SIPA1: variants seen among roughly 807,000 people sequenced by gnomAD.
SIPA1 encodes the protein signal-induced proliferation-associated 1.
A neutral mutation model predicts 88.1 loss-of-function variants in SIPA1; 51 were observed. The ratio of observed to expected loss-of-function variants is 0.58; its 90% CI spans 0.46 to 0.73. SIPA1 has a LOEUF of 0.73. Ranked by LOEUF, SIPA1 falls within the 30% of genes least tolerant of loss-of-function variation. The pLI, the probability that SIPA1 is intolerant of heterozygous loss-of-function variation, is 0.00. For synonymous variants in SIPA1, 681 were observed against 664.8 expected, an observed-to-expected ratio of 1.02 and a Z score of -0.37; for missense variants, 1,348 against 1,467.6, an observed-to-expected ratio of 0.92 and a Z score of 1.33.
In SIPA1 at chr11:65,642,330, G is replaced by T; in HGVS notation, c.760G>T (p.Gly254Ter). The stretch of plus-strand genomic sequence containing the variant: ...GCGGCGGGAGGAGAAGGAGGGCAGC[G>T]GAGGGGGCACCCTGCACAGCTACCG... ...SLRREEKEGS[G>*]GGTLHSYRVI... The change falls in exon 3 of 16, where the codon GGA (glycine) becomes TGA (stop). Residue 254 changes from glycine (G) to a stop codon, truncating the protein, a stop_gained. Coordinates refer to ENST00000534313, the MANE Select transcript of SIPA1 (RefSeq NM_006747.4). LOFTEE classifies it high-confidence loss of function. The surrounding 1 kb of genome is among the most constrained non-coding windows in gnomAD (Gnocchi z 6.5). The T allele has an allele frequency of 6.4e-7, 1 of 1,553,502 alleles. No homozygotes were observed. Among genetic ancestry groups the T allele is most frequent in the Non-Finnish European group, 8.7e-7 (1 of 1,150,544 alleles).
At position 65,642,647 on chromosome 11, in the gene SIPA1, G is replaced by A. The variant is rs1324689624; in HGVS notation, c.984+8G>A. On this transcript the variant is annotated splice_region_variant and intron_variant, in intron 4 of 15. Coordinates refer to ENST00000534313, the MANE Select transcript of SIPA1 (RefSeq NM_006747.4). This position sits in a 1 kb window ranked among gnomAD's most constrained non-coding sequence, Gnocchi z 6.5. ...ACACTGGATGAGCAAGTGGTGAGTGGCGGGCCGCGGAGCCCCCAGCCATAC... is the reference window on the plus strand; with the variant it reads ...ACACTGGATGAGCAAGTGGTGAGTGACGGGCCGCGGAGCCCCCAGCCATAC... 2 of 1,527,270 alleles carry A rather than the reference G, an allele frequency of 1.3e-6. No homozygotes were observed. Among genetic ancestry groups the A allele is most frequent in the African/African-American group, 2.7e-5 (2 of 72,920 alleles). 94.6% of individuals were successfully genotyped at this position (1,527,270 alleles called of 1,614,324 possible). A position where few individuals can be genotyped will look rare whatever the true frequency, so the allele number is the denominator to read the frequency against.
rs866532073 is a variant in SIPA1, at chr11:65,640,998, G to A, written c.77G>A (p.Arg26His). The change falls in exon 2 of 16, where the codon CGC (arginine) becomes CAC (histidine). Residue 26 changes from arginine to histidine, a missense_variant. Physicochemically the swap from Arg to His is conservative, Grantham distance 29. Coordinates refer to ENST00000534313, the MANE Select transcript of SIPA1 (RefSeq NM_006747.4). Reference sequence around the variant, plus strand: ...GCGTCCACAGATGACCTCTTTGCCCGCAAGCTGCGCCAGCCAGCAAGGCCC... The same window carrying A: ...GCGTCCACAGATGACCTCTTTGCCCACAAGCTGCGCCAGCCAGCAAGGCCC... Reference protein sequence around the residue: ...APASTDDLFARKLRQPARPPL... With the variant: ...APASTDDLFAHKLRQPARPPL... 3.2e-6 allele frequency: 5 copies of A among 1,585,456 alleles called. No homozygotes were observed. The highest frequency in any genetic ancestry group is 4.3e-6 in the Non-Finnish European group (5 of 1,172,096).
intron 8 of SIPA1, 62 bp downstream of exon 8, chr11:65,647,127 C>T: frequency 7.0e-7 from 1 of 1,425,600 alleles, no homozygotes; most frequent in Non-Finnish European, 9.2e-7. Flanking sequence ...CTTTGGACCC[C>T]TCCCTCCCGC....
chr11:65,645,869 C>A lies in SIPA1; in HGVS notation c.1175C>A (p.Thr392Lys), dbSNP rs745732731. Residue 392 changes from threonine (T) to lysine (K), a missense_variant, in exon 6 of 16, where the codon ACG (threonine) becomes AAG (lysine). Transcript: ENST00000534313. Reference protein sequence around the residue: ...QLDTKTDSTGTHSLYTTYQDH... With the variant: ...QLDTKTDSTGKHSLYTTYQDH... The stretch of plus-strand genomic sequence containing the variant: ...CTGGCCACAGCGGATTCCACAGGCA[C>A]GCACTCCCTCTACACCACATACCAG... The A allele has an allele frequency of 6.2e-7, 1 of 1,612,356 alleles. No homozygotes were observed.
chr11:65,645,999 A>G (rs1030308249), intron 6 of SIPA1, 42 bp downstream of exon 6: 25 of 1,477,546 alleles, frequency 1.7e-5, no homozygotes, highest in Non-Finnish European at 2.3e-5. Flanking sequence ...TCCGGGAACC[A>G]TGGAGGGCCC....
intron 14 of SIPA1, 75 bp downstream of exon 14, chr11:65,650,267 A>AGCTCTT: frequency 6.4e-7 from 1 of 1,563,718 alleles, no homozygotes; most frequent in South Asian, 1.1e-5. Flanking sequence ...GCTGGGGTGG[A>AGCTCTT]GCTCTGTCCT....
At position 65,650,584 on chromosome 11, in the gene SIPA1, G is replaced by A; in HGVS notation, c.2998G>A (p.Ala1000Thr). ...GGCACCCCAGGAGAAGGCGGACAGG[G>A]CGGCCCTGGAGGAGGAGGTGCGGAG... is the stretch of plus-strand genomic sequence containing the variant. ...EDLQKEKADR[A>T]ALEEEVRSLR... Residue 1000 changes from alanine (A) to threonine (T), a missense_variant, in exon 16 of 16, where the codon GCG becomes ACG. This residue lies in a region of SIPA1 where 615 missense variants were observed against 559.8 expected (regional missense o/e 1.10). Coordinates refer to ENST00000534313, the MANE Select transcript of SIPA1 (RefSeq NM_006747.4). 1 of 1,598,842 alleles carries A rather than the reference G, an allele frequency of 6.3e-7. No individual in the cohort carries two copies. The highest frequency in any genetic ancestry group is 8.5e-7 in the Non-Finnish European group (1 of 1,172,582).
At chr11:65,644,218 G>A (rs1004359094) in intron 4 of SIPA1, among the ~76,000 whole-genome samples, 8 of 151,520 alleles carry the variant, frequency 5.3e-5, no homozygotes, top group Non-Finnish European at 7.4e-5. Flanking sequence ...GGAGATGGGG[G>A]TGTCATCCTT....
At position 65,646,653 on chromosome 11, in the gene SIPA1, C is replaced by T. The variant is rs1362061723; in HGVS notation, c.1619C>T (p.Ala540Val). The T allele has an allele frequency of 1.9e-6, 3 of 1,548,078 alleles. No individual in the cohort carries two copies. The highest frequency in any genetic ancestry group is 3.8e-5 in the Admixed American group (2 of 52,218). Residue 540 changes from alanine (A) to valine (V), a missense_variant, in exon 8 of 16, where the codon GCC (alanine) becomes GTC (valine). By Grantham distance (64) the Ala-to-Val change is moderately conservative. Coordinates refer to ENST00000534313, the MANE Select transcript of SIPA1 (RefSeq NM_006747.4). This position sits in a 1 kb window ranked among gnomAD's most constrained non-coding sequence, Gnocchi z 7.5. ...RTRQQYLQDL[A>V]TNEVTTTSLD... ...CGCCAGCAGTACCTGCAAGACCTGG[C>T]CACCAACGAGGTGACCACTACGTCG...
chr11:65,639,553 C>T (rs1855963673), intron 1 of SIPA1, among the ~76,000 whole-genome samples: 1 of 152,054 alleles, frequency 6.6e-6, no homozygotes, highest in South Asian at 2.1e-4. Flanking sequence ...TGTGTGGAGC[C>T]CCTCCTCCAC....
Position 65,649,603 on chromosome 11 carries a change from G to A in SIPA1, c.2568G>A (p.Pro856=), listed in dbSNP as rs1217633205. The change falls in exon 11 of 16, where the codon CCG becomes CCA. Residue 856 remains proline (P), a synonymous_variant. Transcript: ENST00000534313. ...CCCCAGTCCTGCCCAACACCACCCC[G>A]GACCTCCTCCTGGCCACCACAGCCA... ...DEAPVLPNTT[P]DLLLATTAKP... is the part of the protein sequence containing the mutation. 19 of 1,613,876 alleles carry A rather than the reference G, an allele frequency of 1.2e-5. No homozygotes were observed. Among genetic ancestry groups the A allele is most frequent in the Admixed American group, 1.7e-5 (1 of 59,998 alleles).
At position 65,647,181 on chromosome 11, in the gene SIPA1, C is replaced by T. The variant is rs1590923613; in HGVS notation, c.2031+116C>T. On this transcript the variant is annotated intron_variant, in intron 8 of 15. Coordinates refer to ENST00000534313, the MANE Select transcript of SIPA1 (RefSeq NM_006747.4). Reference sequence around the variant, plus strand: ...CTGCGGAAGGGAAAGTCGAGGAGGGCAGAGCCAGCCCCGGGGCTTGGCAAG... The same window carrying T: ...CTGCGGAAGGGAAAGTCGAGGAGGGTAGAGCCAGCCCCGGGGCTTGGCAAG... 17 of 1,413,154 alleles carry T rather than the reference C, an allele frequency of 1.2e-5. No individual in the cohort carries two copies. The South Asian group carries it at 2.6e-4, about 22-fold the overall frequency. The allele number at this position is 1,413,154 out of a possible 1,614,324, so 87.5% of individuals were successfully genotyped here.
In SIPA1 at chr11:65,650,199, T is replaced by C; in HGVS notation, c.2903+7T>C. 6.2e-7 allele frequency: 1 copy of C among 1,613,772 alleles called. No individual in the cohort carries two copies. The highest frequency in any genetic ancestry group is 8.5e-7 in the Non-Finnish European group (1 of 1,179,804). On this transcript the variant is annotated splice_region_variant and intron_variant, in intron 14 of 15. Coordinates refer to ENST00000534313, the MANE Select transcript of SIPA1 (RefSeq NM_006747.4). The stretch of plus-strand genomic sequence containing the variant: ...CTCCAAAATCTGATGCTGAGTAAGC[T>C]CCCCAACTCCCCACAGCCGCTTTAC...
At chr11:65,639,036 A>C (rs528525274) in intron 1 of SIPA1, 1 of 152,500 alleles carries the variant, frequency 6.6e-6, no homozygotes, top group African/African-American at 2.4e-5. Context: ...ACACACACAT[A>C]GCTAGCGACA....
At position 65,646,361 on chromosome 11, in the gene SIPA1, G is replaced by A. The variant is rs200729265; in HGVS notation, c.1404G>A (p.Thr468=). ...FLVVRAHTPC[T]PHTTYRVAVS... is the part of the protein sequence containing the mutation. ...TGGTGCGGGCACACACACCCTGCAC[G>A]CCACACACCACCTACAGGTGGGCAC... The change falls in exon 7 of 16, where the codon ACG becomes ACA. Residue 468 remains threonine (T), a synonymous_variant. Transcript: ENST00000534313. This position sits in a 1 kb window ranked among gnomAD's most constrained non-coding sequence, Gnocchi z 7.5. The A allele has an allele frequency of 5.0e-6, 8 of 1,611,862 alleles. No individual in the cohort carries two copies. Among genetic ancestry groups the A allele is most frequent in the South Asian group, 3.3e-5 (3 of 91,082 alleles).
intron 13 of SIPA1, 34 bp downstream of exon 13, chr11:65,650,085 C>A: frequency 6.2e-7 from 1 of 1,612,116 alleles, no homozygotes; most frequent in Non-Finnish European, 8.5e-7. Context: ...TAAGCCTGGG[C>A]AGTGCTCTTG....
rs1281183337 is a variant in SIPA1, at chr11:65,645,886, A to G, written c.1192A>G (p.Thr398Ala). 6.2e-7 allele frequency: 1 copy of G among 1,613,368 alleles called. No homozygotes were observed. Residue 398 changes from threonine (T) to alanine (A), a missense_variant, in exon 6 of 16, where the codon ACA becomes GCA. Physicochemically the swap from Thr to Ala is moderately conservative, Grantham distance 58. Coordinates refer to ENST00000534313, the MANE Select transcript of SIPA1 (RefSeq NM_006747.4). ...DSTGTHSLYT[T>A]YQDHEIMFHV... Reference sequence around the variant, plus strand: ...CACAGGCACGCACTCCCTCTACACCACATACCAGGACCACGAGATCATGTT... The same window carrying G: ...CACAGGCACGCACTCCCTCTACACCGCATACCAGGACCACGAGATCATGTT...
Position 65,649,283 on chromosome 11 carries a change from G to C in SIPA1, c.2328G>C (p.Thr776=). The C allele has an allele frequency of 1.3e-6, 2 of 1,545,934 alleles. No homozygotes were observed. Among genetic ancestry groups the C allele is most frequent in the Non-Finnish European group, 1.7e-6 (2 of 1,143,328 alleles). The change falls in exon 10 of 16, where the codon ACG becomes ACC. Residue 776 remains threonine (T), a synonymous_variant. Transcript: ENST00000534313. ...ACAGGAGTTTTTCGGAGCTGTACACGCTGTCGCTGCAGGAGCCTAGCCGGC... is the reference window on the plus strand; with the variant it reads ...ACAGGAGTTTTTCGGAGCTGTACACCCTGTCGCTGCAGGAGCCTAGCCGGC... The part of the protein sequence containing the change: ...RPRRSFSELY[T]LSLQEPSRRG...
In SIPA1 at chr11:65,646,233, C is replaced by T. The variant is rs765842608; in HGVS notation, c.1276C>T (p.Arg426Cys). ...ATCCAACCCCTAGCTCCTCCGGAAG[C>T]GCCACATTGGCAACGACATTGTGAC... ...PNNQQQLLRKRHIGNDIVTIV... is the reference protein window; with the variant it reads ...PNNQQQLLRKCHIGNDIVTIV... The change falls in exon 7 of 16, where the codon CGC becomes TGC. Residue 426 changes from arginine to cysteine, a missense_variant. Arg to Cys is a radical substitution (Grantham distance 180). Coordinates refer to ENST00000534313, the MANE Select transcript of SIPA1 (RefSeq NM_006747.4). This position sits in a 1 kb window ranked among gnomAD's most constrained non-coding sequence, Gnocchi z 7.5. 2.5e-5 allele frequency: 41 copies of T among 1,614,046 alleles called. No homozygotes were observed. In the East Asian group the frequency reaches 7.4e-4, roughly 29 times the overall value.
Sources: gnomAD v4.1 joint callset for allele counts (sites outside exome capture counted in the v4.1 genomes callset) on GRCh38, gnomAD v4.1.1 for gene constraint, gnomAD v4.1.1 regional missense constraint, Gnocchi (gnomAD v3.1) non-coding constraint, MANE v1.5 for transcripts, NCBI Gene and HGNC (gene_info 2026-07-23, HGNC 2026-07-21) for gene names.